The following BTBD9 variants were observed in gnomAD, a reference collection of about 807,000 sequenced individuals.
BTBD9 encodes BTB domain containing 9.
Under a neutral mutation model 64.3 loss-of-function variants are expected in BTBD9, and 49 were observed. That is an observed-to-expected ratio of 0.76 (90% CI 0.61 to 0.97). The LOEUF (loss-of-function observed/expected upper bound fraction) is 0.97, where lower values mean the gene tolerates loss of function less well. Ranked by LOEUF, BTBD9 falls within the 50% of genes least tolerant of loss-of-function variation. The pLI is 0.00. For synonymous variants in BTBD9, 260 were observed against 274.7 expected (o/e 0.95, Z 0.53); for missense variants, 598 against 762.1 (o/e 0.78, Z 2.53).
intron 2 of BTBD9, chr6:38,595,886 A>T (rs866540679): frequency 2.0e-5 from 20 of 985,064 alleles, no homozygotes; most frequent in Middle Eastern, 5.2e-4. Flanking sequence ...TCTCGGGGAG[A>T]CCTCAAGACT....
intron 8 of BTBD9, among the ~76,000 whole-genome samples, chr6:38,265,784 T>C (rs1043858447): frequency 6.6e-6 from 1 of 152,196 alleles, no homozygotes; most frequent in Non-Finnish European, 1.5e-5. Flanking sequence ...CCTCCCACAG[T>C]GCTGGGCTTA....
chr6:38,430,095 T>C (rs1313609194), intron 6 of BTBD9, among the ~76,000 whole-genome samples: 3 of 152,040 alleles, frequency 2.0e-5, no homozygotes, highest in African/African-American at 7.3e-5. Flanking sequence ...TAAAGTAAGG[T>C]AGGAGATTAT....
At chr6:38,591,360 GGCTCAACTCAA>G (rs1776781735) in intron 4 of BTBD9, among the ~76,000 whole-genome samples, 2 of 152,202 alleles carry the variant, frequency 1.3e-5, no homozygotes, top group East Asian at 3.9e-4. Flanking sequence ...CAAATGTCAA[GGCTCAACTCAA>G]GCTTCATAAC....
At chr6:38,379,102 T>A (rs1765819585) in intron 6 of BTBD9, among the ~76,000 whole-genome samples, 2 of 152,102 alleles carry the variant, frequency 1.3e-5, no homozygotes, top group Non-Finnish European at 2.9e-5. Flanking sequence ...CATCTGCTGA[T>A]CCCCGGTAGC....
intron 6 of BTBD9, among the ~76,000 whole-genome samples, chr6:38,392,277 G>GA (rs200877683): frequency 0.018 from 2,659 of 148,946 alleles, 73 homozygotes; most frequent in African/African-American, 0.058. Flanking sequence ...TTTAAAAAAA[G>GA]AAAAAAAAAA....
chr6:38,410,725 TG>T (rs1041106482), intron 6 of BTBD9, among the ~76,000 whole-genome samples: 4 of 151,686 alleles, frequency 2.6e-5, no homozygotes, highest in Non-Finnish European at 4.4e-5. Flanking sequence ...AATGCAACAG[TG>T]TGCAATGTCA....
intron 6 of BTBD9, among the ~76,000 whole-genome samples, chr6:38,369,667 G>C (rs1765338116): frequency 6.6e-6 from 1 of 152,272 alleles, no homozygotes; most frequent in Non-Finnish European, 1.5e-5. Context: ...GAGGGGAAGA[G>C]AGAAGGAATA....
chr6:38,325,122 G>A (rs1023429818), intron 7 of BTBD9, among the ~76,000 whole-genome samples: 1 of 152,084 alleles, frequency 6.6e-6, no homozygotes, highest in African/African-American at 2.4e-5. Context: ...AATACTGGGT[G>A]AGAAAGTATA....
intron 4 of BTBD9, among the ~76,000 whole-genome samples, chr6:38,586,789 G>C (rs370544670): frequency 9.9e-5 from 15 of 152,192 alleles, no homozygotes; most frequent in African/African-American, 3.4e-4. Flanking sequence ...CTGGCCAGGC[G>C]TGGTGGCTCA....
At chr6:38,464,176 A>G (rs1450484314) in intron 6 of BTBD9, among the ~76,000 whole-genome samples, 1 of 152,204 alleles carries the variant, frequency 6.6e-6, no homozygotes, top group African/African-American at 2.4e-5. Flanking sequence ...TTGCAAGCCA[A>G]GGAGAGAGAA....
At chr6:38,544,712 A>C (rs1774447518) in intron 6 of BTBD9, among the ~76,000 whole-genome samples, 1 of 152,018 alleles carries the variant, frequency 6.6e-6, no homozygotes, top group Non-Finnish European at 1.5e-5. Flanking sequence ...AGATCACCTG[A>C]GGTCAGGAGT....
intron 6 of BTBD9, among the ~76,000 whole-genome samples, chr6:38,357,700 G>T (rs2127596235): frequency 6.6e-6 from 1 of 151,648 alleles, no homozygotes; most frequent in East Asian, 1.9e-4. Flanking sequence ...GAGACTGTCT[G>T]GTACTAGGAC....
At chr6:38,373,942 A>G (rs2127607171) in intron 6 of BTBD9, among the ~76,000 whole-genome samples, 1 of 152,248 alleles carries the variant, frequency 6.6e-6, no homozygotes, top group East Asian at 1.9e-4. Context: ...CTCTGCTTCC[A>G]TGCCTAGCAT....
intron 9 of BTBD9, among the ~76,000 whole-genome samples, chr6:38,199,359 G>A (rs1467117361): frequency 6.6e-5 from 10 of 152,080 alleles, no homozygotes; most frequent in Admixed American, 6.5e-4. Flanking sequence ...GGCCCAAGAG[G>A]AAAGAGCTAC....
chr6:38,287,081 T>TTAAA (rs1761756761), intron 8 of BTBD9, among the ~76,000 whole-genome samples: 1 of 8,268 alleles, frequency 1.2e-4, no homozygotes, highest in Non-Finnish European at 2.0e-4. Flanking sequence ...AGGCTCCATC[T>TTAAA]CAAAAAAAAA....
chr6:38,562,556 G>C (rs1343375430), intron 6 of BTBD9, among the ~76,000 whole-genome samples: 2 of 152,170 alleles, frequency 1.3e-5, no homozygotes, highest in African/African-American at 4.8e-5. Flanking sequence ...CAATATTAAA[G>C]TTTGGTGTGT....
intron 8 of BTBD9, among the ~76,000 whole-genome samples, chr6:38,264,390 G>A (rs573037024): frequency 2.6e-5 from 4 of 152,280 alleles, no homozygotes; most frequent in East Asian, 1.9e-4. Flanking sequence ...GAACAGATGC[G>A]GCAGCTGTAA....
chr6:38,507,672 A>G (rs1487465709), intron 6 of BTBD9, among the ~76,000 whole-genome samples: 1 of 150,728 alleles, frequency 6.6e-6, no homozygotes, highest in Non-Finnish European at 1.5e-5. Context: ...TACCTTTACC[A>G]CTCCTTCTCA....
At chr6:38,522,754 T>C (rs189520015) in intron 6 of BTBD9, among the ~76,000 whole-genome samples, 5 of 152,256 alleles carry the variant, frequency 3.3e-5, no homozygotes, top group African/African-American at 7.2e-5. Context: ...GGATTTCCAA[T>C]TGGCCTTTCA....
Sources: gnomAD v4.1 joint callset for allele counts (sites outside exome capture counted in the v4.1 genomes callset) on GRCh38, gnomAD v4.1.1 for gene constraint, MANE v1.5 for transcripts, NCBI Gene and HGNC (gene_info 2026-07-23, HGNC 2026-07-21) for gene names.